ANK2: variants seen among roughly 807,000 people sequenced by gnomAD.
The protein encoded by ANK2 is ankyrin-2.
In ANK2, 83 loss-of-function variants were observed where a neutral mutation model predicts 360.5. The ratio of observed to expected loss-of-function variants is 0.23; its 90% CI spans 0.19 to 0.28. The LOEUF (loss-of-function observed/expected upper bound fraction) is 0.28, where lower values mean the gene tolerates loss of function less well. ANK2 is among the 10% of genes least tolerant of loss of function. The pLI, the probability that ANK2 is intolerant of heterozygous loss-of-function variation, is 1.00. For synonymous variants in ANK2, 1,740 were observed against 1,759.5 expected (o/e 0.99, Z 0.28); for missense variants, 4,201 against 4,795.7 (o/e 0.88, Z 3.66).
the ANK2 span, among the ~76,000 whole-genome samples, chr4:112,777,164 G>A: frequency 2.0e-5 from 3 of 152,092 alleles, no homozygotes; most frequent in Admixed American, 6.6e-5. Flanking sequence ...CAGCTGATGG[G>A]CAATATACGT....
chr4:113,123,263 C>T (rs942245030), intron 1 of ANK2, among the ~76,000 whole-genome samples: 5 of 151,664 alleles, frequency 3.3e-5, no homozygotes, highest in African/African-American at 1.2e-4. Context: ...TTTATTAGTC[C>T]CCTTATTCAC....
At chr4:112,874,063 A>G (rs918056467) in intron 1 of ANK2, among the ~76,000 whole-genome samples, 19 of 150,888 alleles carry the variant, frequency 1.3e-4, no homozygotes, top group Admixed American at 4.7e-4. Context: ...CACACACACA[A>G]AAGCTCTTGG....
At chr4:113,346,321 A>G (rs2153991448) in intron 35 of ANK2, among the ~76,000 whole-genome samples, 1 of 152,328 alleles carries the variant, frequency 6.6e-6, no homozygotes, top group Non-Finnish European at 1.5e-5. Flanking sequence ...ATTTGGCTTC[A>G]GATTTAACTT....
At chr4:113,186,133 G>C (rs1469531513) in intron 2 of ANK2, among the ~76,000 whole-genome samples, 1 of 152,194 alleles carries the variant, frequency 6.6e-6, no homozygotes, top group African/African-American at 2.4e-5. Flanking sequence ...GGAGCTGACA[G>C]ACACCTCATA....
At chr4:113,082,275 T>C (rs571189543) in intron 1 of ANK2, among the ~76,000 whole-genome samples, 33 of 152,312 alleles carry the variant, frequency 2.2e-4, no homozygotes, top group African/African-American at 7.0e-4. Context: ...TCATTTGGTA[T>C]AAAAACGCCT....
At chr4:113,304,443 G>A (rs2076323671) in intron 23 of ANK2, among the ~76,000 whole-genome samples, 1 of 152,064 alleles carries the variant, frequency 6.6e-6, no homozygotes, top group Non-Finnish European at 1.5e-5. Flanking sequence ...TTGAGTGTGT[G>A]GATTTTATTA....
At chr4:112,761,928 G>A in the ANK2 span, among the ~76,000 whole-genome samples, 1 of 152,208 alleles carries the variant, frequency 6.6e-6, no homozygotes, top group Non-Finnish European at 1.5e-5. Context: ...TCATCTAACT[G>A]CATTGGCTAC....
chr4:112,763,800 G>A, the ANK2 span, among the ~76,000 whole-genome samples: 5 of 151,974 alleles, frequency 3.3e-5, no homozygotes. Flanking sequence ...GATTACAGGC[G>A]TGAGCTACCG....
chr4:112,906,656 T>G (rs1408172091), intron 2 of ANK2, among the ~76,000 whole-genome samples: 1 of 151,814 alleles, frequency 6.6e-6, no homozygotes, highest in Non-Finnish European at 1.5e-5. Context: ...TACAGATAGG[T>G]TTGTAGATTT....
chr4:112,705,662 C>T, the ANK2 span, among the ~76,000 whole-genome samples: 1 of 152,264 alleles, frequency 6.6e-6, no homozygotes, highest in Non-Finnish European at 1.5e-5. Flanking sequence ...CCTCCTTCTC[C>T]CCACCCACCT....
chr4:113,190,755 T>C (rs1178693415), intron 2 of ANK2, among the ~76,000 whole-genome samples: 4 of 152,122 alleles, frequency 2.6e-5, no homozygotes, highest in African/African-American at 9.7e-5. Context: ...ATTATATGAA[T>C]TAATGCAATT....
chr4:113,282,862 T>G lies in ANK2; in HGVS notation c.2069T>G (p.Met690Arg). 1 of 1,613,980 alleles carries G rather than the reference T, an allele frequency of 6.2e-7. No homozygotes were observed. Among genetic ancestry groups the G allele is most frequent in the South Asian group, 1.1e-5 (1 of 91,090 alleles). Residue 690 changes from methionine (M) to arginine (R), a missense_variant, in exon 18 of 46, where the codon ATG (methionine) becomes AGG (arginine). Physicochemically the swap from Met to Arg is moderately conservative, Grantham distance 91 (BLOSUM62 -1). Around this residue, in one of 4 missense-constraint regions of ANK2, gnomAD observed 1,268 missense variants for 1,650.8 expected, o/e 0.77. Transcript: ENST00000357077. ...CTGGATAAGGGAGCCAATATCCACATGTCAACTAAGGTATTCTGTCCTTTC... is the reference window on the plus strand; with the variant it reads ...CTGGATAAGGGAGCCAATATCCACAGGTCAACTAAGGTATTCTGTCCTTTC... ...LLLDKGANIH[M>R]STKSGLTSLH...
intron 1 of ANK2, among the ~76,000 whole-genome samples, chr4:112,832,668 A>G (rs2060067100): frequency 6.6e-6 from 1 of 152,234 alleles, no homozygotes; most frequent in Non-Finnish European, 1.5e-5. Context: ...TTTGGCCCAG[A>G]TGTTACTAAA....
chr4:112,730,859 G>A, the ANK2 span, among the ~76,000 whole-genome samples: 1 of 150,280 alleles, frequency 6.7e-6, no homozygotes, highest in South Asian at 2.1e-4. Flanking sequence ...AAAAAAAAAA[G>A]AGCAGGCGCG....
chr4:112,838,738 G>A (rs545184007), intron 1 of ANK2, among the ~76,000 whole-genome samples: 41 of 152,224 alleles, frequency 2.7e-4, no homozygotes, highest in African/African-American at 7.0e-4. Context: ...GCATGGTGGC[G>A]CATGCCTGTA....
chr4:112,822,685 G>A (rs536106902), intron 1 of ANK2, among the ~76,000 whole-genome samples: 2 of 151,652 alleles, frequency 1.3e-5, no homozygotes, highest in South Asian at 2.1e-4. Flanking sequence ...GGCGGAGGTT[G>A]CAGTGAGCAA....
intron 2 of ANK2, among the ~76,000 whole-genome samples, chr4:113,191,456 C>T (rs2098662423): frequency 6.6e-6 from 1 of 152,066 alleles, no homozygotes; most frequent in African/African-American, 2.4e-5. Context: ...CTCCTTTTAC[C>T]CATCTACTTC....
intron 34 of ANK2, among the ~76,000 whole-genome samples, chr4:113,345,455 A>G (rs1261366731): frequency 1.3e-5 from 2 of 152,354 alleles, no homozygotes; most frequent in South Asian, 2.1e-4. Context: ...ATATTTTACC[A>G]TAATTATTTT....
intron 9 of ANK2, among the ~76,000 whole-genome samples, chr4:113,247,081 C>A (rs1013648248): frequency 1.3e-5 from 2 of 151,660 alleles, no homozygotes; most frequent in African/African-American, 4.9e-5. Flanking sequence ...TGGCATCCCT[C>A]CAATGTTGAT....
Sources: gnomAD v4.1 joint callset for allele counts (sites outside exome capture counted in the v4.1 genomes callset) on GRCh38, gnomAD v4.1.1 for gene constraint, gnomAD v4.1.1 regional missense constraint, MANE v1.5 for transcripts, NCBI Gene and HGNC (gene_info 2026-07-23, HGNC 2026-07-21) for gene names.